Variants in VTI1A observed in about 807,000 individuals in gnomAD.
The protein encoded by VTI1A is vesicle transport through interaction with t-SNAREs homolog 1A.
Under a neutral mutation model 34.9 loss-of-function variants are expected in VTI1A, and 22 were observed. The observed-to-expected ratio is 0.63, with a 90% CI of 0.45 to 0.90. VTI1A has a LOEUF of 0.90. VTI1A is among the 40% of genes least tolerant of loss of function. VTI1A has a pLI of 0.00. For missense variants in VTI1A, 268 were observed against 275.6 expected, an observed-to-expected ratio of 0.97 and a Z score of 0.20; for synonymous variants, 87 against 97.3, an observed-to-expected ratio of 0.89 and a Z score of 0.62.
chr10:112,613,172 G>A (rs901518080), intron 5 of VTI1A, among the ~76,000 whole-genome samples: 4 of 151,990 alleles, frequency 2.6e-5, no homozygotes, highest in Non-Finnish European at 4.4e-5. Context: ...TTTTAATAAC[G>A]GGATATACTA....
rs1278787516 is a variant in VTI1A, at chr10:112,688,648, A to G, written c.560+19650A>G. Among the ~76,000 whole-genome samples the G allele has an allele frequency of 3.3e-5, 5 of 150,118 alleles. No individual in the cohort carries two copies. In the East Asian group the frequency reaches 1.0e-3, roughly 30 times the overall value. On this transcript the variant is annotated intron_variant, in intron 7 of 7. Transcript: ENST00000393077. ...GCCGTTCTCCTGCCTCAGCCTCCCTAGTACCTGGGATTACAGGCACATACC... is the reference window on the plus strand; with the variant it reads ...GCCGTTCTCCTGCCTCAGCCTCCCTGGTACCTGGGATTACAGGCACATACC...
intron 7 of VTI1A, among the ~76,000 whole-genome samples, chr10:112,768,137 TA>T (rs1190755617): frequency 1.4e-4 from 22 of 152,242 alleles, no homozygotes; most frequent in African/African-American, 4.1e-4. Flanking sequence ...TCCCTGCAGA[TA>T]TTGGAAAAGA....
chr10:112,508,041 A>G (rs936975887), intron 3 of VTI1A, among the ~76,000 whole-genome samples: 3 of 151,982 alleles, frequency 2.0e-5, no homozygotes, highest in East Asian at 3.9e-4. Flanking sequence ...TCCAGCTTGT[A>G]TTTGTTAAGG....
At chr10:112,592,643 T>A (rs1844436824) in intron 5 of VTI1A, among the ~76,000 whole-genome samples, 1 of 152,230 alleles carries the variant, frequency 6.6e-6, no homozygotes, top group Non-Finnish European at 1.5e-5. Context: ...CATAGTACTT[T>A]GCACACAGTA....
intron 7 of VTI1A, among the ~76,000 whole-genome samples, chr10:112,672,921 A>C (rs1251943474): frequency 3.3e-5 from 5 of 152,196 alleles, no homozygotes; most frequent in Non-Finnish European, 7.3e-5. Flanking sequence ...AATGTAACAA[A>C]GTTATAGCTT....
At chr10:112,761,467 G>C (rs1347512713) in intron 7 of VTI1A, among the ~76,000 whole-genome samples, 13 of 152,166 alleles carry the variant, frequency 8.5e-5, no homozygotes, top group Non-Finnish European at 1.5e-5. Flanking sequence ...TTGTTTGCTT[G>C]ATTGAGTTAT....
intron 7 of VTI1A, among the ~76,000 whole-genome samples, chr10:112,698,274 A>G (rs2133894111): frequency 6.6e-6 from 1 of 152,304 alleles, no homozygotes; most frequent in Admixed American, 6.5e-5. Context: ...TCAGACCTTG[A>G]GACTTGGGTA....
At chr10:112,497,453 A>T (rs548212518) in intron 3 of VTI1A, among the ~76,000 whole-genome samples, 1 of 152,256 alleles carries the variant, frequency 6.6e-6, no homozygotes, top group Non-Finnish European at 1.5e-5. Flanking sequence ...CAGTTTTCCT[A>T]TCTGTAAAAT....
At chr10:112,474,318 G>A (rs1221371449) in intron 3 of VTI1A, among the ~76,000 whole-genome samples, 1 of 152,128 alleles carries the variant, frequency 6.6e-6, no homozygotes, top group East Asian at 1.9e-4. Context: ...CTCCCAAAGT[G>A]CTGGGATTAC....
At chr10:112,546,672 CT>C (rs146645998) in intron 5 of VTI1A, among the ~76,000 whole-genome samples, 8 of 151,190 alleles carry the variant, frequency 5.3e-5, no homozygotes, top group East Asian at 1.9e-4. Flanking sequence ...TACTCACATC[CT>C]TTTTTTTTAA....
At chr10:112,733,740 T>G (rs1229800952) in intron 7 of VTI1A, among the ~76,000 whole-genome samples, 3 of 145,642 alleles carry the variant, frequency 2.1e-5, no homozygotes, top group Non-Finnish European at 4.5e-5. Flanking sequence ...TTTATTTTAT[T>G]TTATTTTATT....
At chr10:112,718,697 A>G (rs1313553587) in intron 7 of VTI1A, among the ~76,000 whole-genome samples, 1 of 152,220 alleles carries the variant, frequency 6.6e-6, no homozygotes, top group Non-Finnish European at 1.5e-5. Context: ...AAGGTGTTGA[A>G]TGCACCAGTA....
downstream of VTI1A, among the ~76,000 whole-genome samples, chr10:112,822,880 C>T (rs12253794): frequency 0.29 from 43,386 of 151,986 alleles, 6,613 homozygotes; most frequent in African/African-American, 0.35. Flanking sequence ...TTCCAGGCCC[C>T]GAAGACACAT....
intron 7 of VTI1A, among the ~76,000 whole-genome samples, chr10:112,746,646 A>T (rs189655265): frequency 3.5e-4 from 54 of 152,332 alleles, no homozygotes; most frequent in Admixed American, 7.8e-4. Context: ...GCCTGACCTT[A>T]TAGACAAATG....
At chr10:112,748,262 G>A (rs947464258) in intron 7 of VTI1A, among the ~76,000 whole-genome samples, 3 of 152,118 alleles carry the variant, frequency 2.0e-5, no homozygotes, top group African/African-American at 7.2e-5. Flanking sequence ...AATCCAATTT[G>A]GGGTTGCATT....
At chr10:112,658,713 T>A (rs182483192) in intron 5 of VTI1A, among the ~76,000 whole-genome samples, 1 of 152,290 alleles carries the variant, frequency 6.6e-6, no homozygotes, top group East Asian at 1.9e-4. Context: ...AACTGGATAG[T>A]ACCTGGCTGT....
At chr10:112,671,803 A>G (rs1350272670) in intron 7 of VTI1A, 1 of 152,306 alleles carries the variant, frequency 6.6e-6, no homozygotes, top group Non-Finnish European at 1.5e-5. Flanking sequence ...ATAATCATCT[A>G]CCACTCATGC....
chr10:112,729,722 A>T (rs1282224109), intron 7 of VTI1A, among the ~76,000 whole-genome samples: 6 of 152,298 alleles, frequency 3.9e-5, no homozygotes, highest in Admixed American at 6.5e-5. Context: ...ATTGTTGTTG[A>T]TGGGGATATG....
At chr10:112,705,748 T>G (rs1849173211) in intron 7 of VTI1A, among the ~76,000 whole-genome samples, 1 of 152,160 alleles carries the variant, frequency 6.6e-6, no homozygotes, top group African/African-American at 2.4e-5. Flanking sequence ...CAATGCACAG[T>G]ACTCCCAGAG....
Sources: allele counts gnomAD v4.1 joint callset (sites outside exome capture counted in the v4.1 genomes callset), GRCh38; gene constraint gnomAD v4.1.1; transcripts MANE v1.5; gene names NCBI Gene and HGNC (gene_info 2026-07-23, HGNC 2026-07-21).